SLC9A9: variants seen among roughly 807,000 people sequenced by gnomAD.
SLC9A9 encodes solute carrier family 9 member A9, also known as sodium/hydrogen exchanger 9.
A neutral mutation model predicts 77.8 loss-of-function variants in SLC9A9; 62 were observed. That is an observed-to-expected ratio of 0.80 (90% confidence interval 0.65 to 0.98). SLC9A9 has a LOEUF of 0.98. Among genes scored for constraint, SLC9A9 ranks in the 50% least tolerant of loss-of-function variants. The pLI, the probability that SLC9A9 is intolerant of heterozygous loss-of-function variation, is 0.00. For synonymous variants in SLC9A9, 320 were observed against 283.5 expected (o/e 1.13, Z -1.29); for missense variants, 775 against 774.9 (o/e 1.00, Z 0.00).
intron 6 of SLC9A9, among the ~76,000 whole-genome samples, chr3:143,608,513 C>T (rs954499109): frequency 2.6e-5 from 4 of 152,130 alleles, no homozygotes; most frequent in African/African-American, 7.2e-5. Flanking sequence ...ATGACATCAG[C>T]GGGCCAAGGA....
intron 14 of SLC9A9, among the ~76,000 whole-genome samples, chr3:143,345,272 G>A (rs2032227560): frequency 6.6e-6 from 1 of 152,150 alleles, no homozygotes; most frequent in Admixed American, 6.5e-5. Context: ...AAAGAAGGGG[G>A]CCTTGGATAG....
chr3:143,281,344 A>T (rs941473746), intron 14 of SLC9A9, among the ~76,000 whole-genome samples: 2 of 152,114 alleles, frequency 1.3e-5, no homozygotes, highest in Admixed American at 1.3e-4. Context: ...GTGTAGTCTA[A>T]CCTATTCTAA....
chr3:143,414,591 A>G (rs763952214), intron 12 of SLC9A9, among the ~76,000 whole-genome samples: 6 of 152,114 alleles, frequency 3.9e-5, no homozygotes, highest in Non-Finnish European at 8.8e-5. Context: ...CTGTTTTGTA[A>G]TTGTTCTGGG....
chr3:143,667,543 C>A (rs1164039970), intron 5 of SLC9A9, among the ~76,000 whole-genome samples: 2 of 152,112 alleles, frequency 1.3e-5, no homozygotes, highest in Non-Finnish European at 2.9e-5. Context: ...AGTGAGCAGG[C>A]AACCTACAGA....
chr3:143,319,530 A>G (rs2031340901), intron 14 of SLC9A9, among the ~76,000 whole-genome samples: 1 of 152,204 alleles, frequency 6.6e-6, no homozygotes, highest in African/African-American at 2.4e-5. Context: ...CTCCATCTGA[A>G]GGGATAAGAT....
At chr3:143,734,901 G>C (rs1027299996) in intron 4 of SLC9A9, among the ~76,000 whole-genome samples, 3 of 152,046 alleles carry the variant, frequency 2.0e-5, no homozygotes, top group Non-Finnish European at 2.9e-5. Flanking sequence ...AAAATCCCAG[G>C]TAAGTCTCTT....
At chr3:143,520,365 GAT>G (rs763120002) in intron 9 of SLC9A9, among the ~76,000 whole-genome samples, 54 of 152,288 alleles carry the variant, frequency 3.5e-4, no homozygotes, top group Non-Finnish European at 6.6e-4. Context: ...ATCATGTGCG[GAT>G]ACAGCAACAA....
chr3:143,444,253 T>C (rs1170599334), intron 12 of SLC9A9, among the ~76,000 whole-genome samples: 1 of 152,208 alleles, frequency 6.6e-6, no homozygotes, highest in Non-Finnish European at 1.5e-5. Context: ...TAGATTTCCT[T>C]TATGTAAACA....
chr3:143,804,913 G>C (rs2008670118), intron 2 of SLC9A9, among the ~76,000 whole-genome samples: 1 of 152,158 alleles, frequency 6.6e-6, no homozygotes, highest in Admixed American at 6.5e-5. Flanking sequence ...TGACTGTTTA[G>C]CTGCAGTTGT....
chr3:143,359,621 G>A (rs1012857281), intron 14 of SLC9A9, among the ~76,000 whole-genome samples: 6 of 152,040 alleles, frequency 3.9e-5, no homozygotes, highest in African/African-American at 1.5e-4. Flanking sequence ...AGGATAGGAG[G>A]GGCTCTACGG....
chr3:143,711,771 A>G (rs765442343), intron 4 of SLC9A9, among the ~76,000 whole-genome samples: 1 of 152,082 alleles, frequency 6.6e-6, no homozygotes, highest in Non-Finnish European at 1.5e-5. Flanking sequence ...CTGAGCTTTG[A>G]GATCACTACT....
At position 143,811,065 on chromosome 3, in the gene SLC9A9, G is replaced by A. The variant is rs114377926; in HGVS notation, c.379-14162C>T. On this transcript the variant is annotated intron_variant, in intron 2 of 15. Transcript: ENST00000316549. Reference sequence around the variant, plus strand: ...AGAACCATGCTCTCCTGCCTCCCCCGGGGGCAGTGGACCAGAGTTCCCCAA... The same window carrying A: ...AGAACCATGCTCTCCTGCCTCCCCCAGGGGCAGTGGACCAGAGTTCCCCAA... Among the ~76,000 whole-genome samples the A allele has an allele frequency of 1.1e-3, 175 of 152,200 alleles. 2 individuals carry two copies. The highest frequency in any genetic ancestry group is 3.9e-3 in the African/African-American group (161 of 41,508).
intron 11 of SLC9A9, among the ~76,000 whole-genome samples, chr3:143,493,150 G>A (rs767447966): frequency 3.0e-4 from 45 of 152,106 alleles, no homozygotes; most frequent in Non-Finnish European, 5.1e-4. Context: ...ATTAATATTC[G>A]TTTTCTCAAC....
At chr3:143,345,756 T>C (rs541443839) in intron 14 of SLC9A9, among the ~76,000 whole-genome samples, 1 of 152,284 alleles carries the variant, frequency 6.6e-6, no homozygotes, top group South Asian at 2.1e-4. Context: ...AGCAACATGT[T>C]GCCTTCATCT....
At chr3:143,705,955 C>T (rs1403648148) in intron 4 of SLC9A9, among the ~76,000 whole-genome samples, 5 of 152,200 alleles carry the variant, frequency 3.3e-5, no homozygotes, top group Non-Finnish European at 5.9e-5. Context: ...CGCTAAGTGT[C>T]CTACGAGAGG....
chr3:143,846,301 T>C (rs912120634), intron 1 of SLC9A9, among the ~76,000 whole-genome samples: 1 of 152,250 alleles, frequency 6.6e-6, no homozygotes, highest in Admixed American at 6.5e-5. Context: ...TGGGTAGTTT[T>C]GCTAAAGCAC....
intron 8 of SLC9A9, among the ~76,000 whole-genome samples, chr3:143,553,742 T>C (rs1310272111): frequency 1.3e-5 from 2 of 152,178 alleles, no homozygotes; most frequent in East Asian, 3.8e-4. Context: ...GACAAAAGAA[T>C]AAAACAAGTA....
intron 6 of SLC9A9, among the ~76,000 whole-genome samples, chr3:143,606,436 C>CTATATATATATA (rs60773685): frequency 0.019 from 1,009 of 54,066 alleles, 32 homozygotes; most frequent in Middle Eastern, 0.039. Flanking sequence ...CTCTCTCTCT[C>CTATATATATATA]TATATATATA....
intron 12 of SLC9A9, among the ~76,000 whole-genome samples, chr3:143,417,861 C>T (rs1346921188): frequency 6.6e-6 from 1 of 151,972 alleles, no homozygotes; most frequent in Non-Finnish European, 1.5e-5. Context: ...GAAGAGCATC[C>T]TTCAAGGCCT....
Sources: gnomAD v4.1 joint callset for allele counts (sites outside exome capture counted in the v4.1 genomes callset) on GRCh38, gnomAD v4.1.1 for gene constraint, MANE v1.5 for transcripts, NCBI Gene and HGNC (gene_info 2026-07-23, HGNC 2026-07-21) for gene names.